The following SLC4A10 variants were observed in gnomAD, a reference collection of about 807,000 sequenced individuals.
The protein encoded by SLC4A10 is sodium-driven chloride bicarbonate exchanger.
A neutral mutation model predicts 137.7 loss-of-function variants in SLC4A10; 42 were observed. That is an observed-to-expected ratio of 0.30 (90% CI 0.24 to 0.39). The LOEUF (loss-of-function observed/expected upper bound fraction) is 0.39. Ranked by LOEUF, SLC4A10 falls within the 10% of genes least tolerant of loss-of-function variation. The pLI is 1.00. For synonymous variants in SLC4A10, 474 were observed against 464.1 expected (o/e 1.02, Z -0.27); for missense variants, 925 against 1,355.0 (o/e 0.68, Z 4.98).
intron 1 of SLC4A10, among the ~76,000 whole-genome samples, chr2:161,692,557 A>T (rs2042101869): frequency 6.6e-6 from 1 of 152,094 alleles, no homozygotes; most frequent in Admixed American, 6.6e-5. Flanking sequence ...CTCCAAGCCT[A>T]AAATAGCTTA....
chr2:161,905,911 C>T, intron 15 of SLC4A10, 24 bp downstream of exon 15: 1 of 1,556,666 alleles, frequency 6.4e-7, no homozygotes, highest in Non-Finnish European at 8.7e-7. Flanking sequence ...CCCCTGCTGG[C>T]CTTGGGGCTT....
chr2:161,862,162 G>C (rs2060469702), intron 5 of SLC4A10, among the ~76,000 whole-genome samples: 1 of 152,062 alleles, frequency 6.6e-6, no homozygotes, highest in South Asian at 2.1e-4. Context: ...CTTAATTATA[G>C]ACTTCTGAAA....
chr2:161,712,866 C>A (rs749208923), intron 1 of SLC4A10, among the ~76,000 whole-genome samples: 4 of 151,764 alleles, frequency 2.6e-5, no homozygotes, highest in Non-Finnish European at 5.9e-5. Flanking sequence ...CAGAATAATG[C>A]AATTTTTAAA....
At chr2:161,625,743 C>T (rs2032212218) in intron 1 of SLC4A10, among the ~76,000 whole-genome samples, 1 of 152,064 alleles carries the variant, frequency 6.6e-6, no homozygotes, top group South Asian at 2.1e-4. Context: ...TCCCCGGAAT[C>T]AACTGTGGCG....
chr2:161,895,635 T>G (rs1219497726), intron 11 of SLC4A10, among the ~76,000 whole-genome samples: 1 of 152,100 alleles, frequency 6.6e-6, no homozygotes, highest in Non-Finnish European at 1.5e-5. Context: ...TCTCACTGTG[T>G]TTTTGATTTG....
intron 1 of SLC4A10, among the ~76,000 whole-genome samples, chr2:161,706,183 T>A (rs2043642239): frequency 6.6e-6 from 1 of 151,534 alleles, no homozygotes. Flanking sequence ...ATTGCAAAGA[T>A]CAATTGTGCT....
rs891325868 is a variant in SLC4A10, at chr2:161,938,284, T to A, written c.1998-4508T>A. ...AAACCCTGTCTCCAAATAAATAAAT[T>A]AATTAATGAATTAATTAAATAAAGA... On this transcript the variant is annotated intron_variant, in intron 15 of 26. Transcript: ENST00000446997. Among the ~76,000 whole-genome samples, 7 of 152,068 alleles carry A rather than the reference T, an allele frequency of 4.6e-5. No homozygotes were observed. In the South Asian group the frequency reaches 6.2e-4, roughly 14 times the overall value.
At chr2:161,972,790 T>C (rs1314260826) in intron 23 of SLC4A10, among the ~76,000 whole-genome samples, 2 of 152,152 alleles carry the variant, frequency 1.3e-5, no homozygotes, top group East Asian at 1.9e-4. Flanking sequence ...AGATTCTGTA[T>C]GCACCACAGC....
chr2:161,681,140 C>G (rs1309304453), intron 1 of SLC4A10, among the ~76,000 whole-genome samples: 1 of 152,128 alleles, frequency 6.6e-6, no homozygotes, highest in East Asian at 1.9e-4. Flanking sequence ...CTCATTATCA[C>G]TTACTATCCA....
chr2:161,777,111 T>A (rs1195409279), intron 2 of SLC4A10, among the ~76,000 whole-genome samples: 1 of 151,492 alleles, frequency 6.6e-6, no homozygotes, highest in Non-Finnish European at 1.5e-5. Context: ...AAAATTAAAA[T>A]TAATTTTTAA....
At chr2:161,692,243 G>C (rs973077019) in intron 1 of SLC4A10, among the ~76,000 whole-genome samples, 1 of 151,826 alleles carries the variant, frequency 6.6e-6, no homozygotes, top group African/African-American at 2.4e-5. Context: ...ATTTTTAAGA[G>C]ATTAAAAATT....
intron 1 of SLC4A10, among the ~76,000 whole-genome samples, chr2:161,635,279 G>GA (rs1574008070): frequency 6.6e-6 from 1 of 152,062 alleles, no homozygotes; most frequent in Non-Finnish European, 1.5e-5. Context: ...CTTGTTTGAT[G>GA]AGAGGAATGT....
chr2:161,976,841 C>T lies in SLC4A10; in HGVS notation c.3309C>T (p.Asn1103=), dbSNP rs1173353953. ...GGAACCTTCTGATTACTGCCGATAA[C>T]TCAAAAGATAAGGAGTCAAGCTTTC... The part of the protein sequence containing the change: ...LWRNLLITAD[N]SKDKESSFPS... Residue 1103 remains asparagine, a synonymous_variant, in exon 25 of 27, where the codon AAC becomes AAT. Transcript: ENST00000446997. 28 of 1,601,432 alleles carry T rather than the reference C, an allele frequency of 1.7e-5. No individual in the cohort carries two copies. The highest frequency in any genetic ancestry group is 2.1e-5 in the Non-Finnish European group (25 of 1,173,600).
intron 1 of SLC4A10, among the ~76,000 whole-genome samples, chr2:161,659,697 C>G (rs2038033792): frequency 6.6e-6 from 1 of 151,888 alleles, no homozygotes; most frequent in Admixed American, 6.6e-5. Flanking sequence ...CACAGAAAAA[C>G]CTGTAGAAGA....
At chr2:161,625,486 A>G (rs1299720885) in intron 1 of SLC4A10, among the ~76,000 whole-genome samples, 1 of 152,044 alleles carries the variant, frequency 6.6e-6, no homozygotes, top group Admixed American at 6.6e-5. Context: ...TATCAGTGCT[A>G]CCACAGCAGA....
intron 1 of SLC4A10, among the ~76,000 whole-genome samples, chr2:161,746,316 A>G (rs563273407): frequency 3.6e-4 from 54 of 150,338 alleles, no homozygotes; most frequent in African/African-American, 1.3e-3. Context: ...AGTCCTCTTT[A>G]CTTTTCCCTT....
At position 161,984,004 on chromosome 2, in the gene SLC4A10, A is replaced by G. The variant is rs761722216; in HGVS notation, c.*852A>G. ...AATATACTAAGTTTGTCTCCCACTGACAACAGATGTTTTCCAAATAAACAT... is the reference window on the plus strand; with the variant it reads ...AATATACTAAGTTTGTCTCCCACTGGCAACAGATGTTTTCCAAATAAACAT... On this transcript the variant is annotated 3_prime_UTR_variant, in exon 27 of 27. Coordinates refer to ENST00000446997, the MANE Select transcript of SLC4A10 (RefSeq NM_001178015.2). The G allele has an allele frequency of 6.6e-6, 1 of 152,210 alleles. No individual in the cohort carries two copies. The highest frequency in any genetic ancestry group is 1.5e-5 in the Non-Finnish European group (1 of 68,020). 9.4% of individuals were successfully genotyped at this position (152,210 alleles called of 1,614,324 possible). A position where few individuals can be genotyped will look rare whatever the true frequency, so the allele number is the denominator to read the frequency against.
At chr2:161,710,757 C>T (rs1211714063) in intron 1 of SLC4A10, 1 of 453,052 alleles carries the variant, frequency 2.2e-6, no homozygotes, top group Non-Finnish European at 4.4e-6. Flanking sequence ...TAAAGGTAAG[C>T]TGCCTATAAA....
At chr2:161,830,658 TA>T (rs200551970) in intron 3 of SLC4A10, among the ~76,000 whole-genome samples, 1 of 151,834 alleles carries the variant, frequency 6.6e-6, no homozygotes, top group African/African-American at 2.4e-5. Context: ...GATAAAATTT[TA>T]AAAAAAAGCC....
Sources: allele counts gnomAD v4.1 joint callset (sites outside exome capture counted in the v4.1 genomes callset), GRCh38; gene constraint gnomAD v4.1.1; transcripts MANE v1.5; gene names NCBI Gene and HGNC (gene_info 2026-07-23, HGNC 2026-07-21).